RBFOX1: variants seen among roughly 807,000 people sequenced by gnomAD.
RBFOX1 encodes RNA binding fox-1 homolog 1.
Under a neutral mutation model 57.7 loss-of-function variants are expected in RBFOX1, and 8 were observed. The ratio of observed to expected loss-of-function variants is 0.14; its 90% CI spans 0.08 to 0.25. The LOEUF (loss-of-function observed/expected upper bound fraction) is 0.25, where lower values mean the gene tolerates loss of function less well. Among genes scored for constraint, RBFOX1 ranks in the 10% least tolerant of loss-of-function variants. The pLI, the probability that RBFOX1 is intolerant of heterozygous loss-of-function variation, is 1.00. For synonymous variants in RBFOX1, 326 were observed against 222.4 expected (o/e 1.47, Z -4.15); for missense variants, 611 against 548.5 (o/e 1.11, Z -1.14).
chr16:6,155,202 A>G (rs971999940), intron 1 of RBFOX1, among the ~76,000 whole-genome samples: 3 of 152,224 alleles, frequency 2.0e-5, no homozygotes, highest in African/African-American at 7.2e-5. Flanking sequence ...ACTGCTTTGG[A>G]CATTACAATC....
chr16:5,902,513 T>A (rs1259355384), intron 4 of RBFOX1, among the ~76,000 whole-genome samples: 1 of 152,138 alleles, frequency 6.6e-6, no homozygotes, highest in Non-Finnish European at 1.5e-5. Context: ...CCTCCCAGGT[T>A]CGAGTGATTC....
At chr16:7,022,025 CCCCT>C (rs2039394803) in intron 3 of RBFOX1, among the ~76,000 whole-genome samples, 2 of 4,564 alleles carry the variant, frequency 4.4e-4, no homozygotes, top group Admixed American at 2.2e-3. Flanking sequence ...CCTTCCCCCT[CCCCT>C]TCCCCTCCCC....
At chr16:6,879,831 TTA>T (rs2062568358) in intron 3 of RBFOX1, among the ~76,000 whole-genome samples, 1 of 152,220 alleles carries the variant, frequency 6.6e-6, no homozygotes, top group African/African-American at 2.4e-5. Flanking sequence ...GATGTTAAAT[TTA>T]CAAAGAGGTT....
chr16:6,852,857 G>A (rs1296327875), intron 3 of RBFOX1, among the ~76,000 whole-genome samples: 1 of 151,426 alleles, frequency 6.6e-6, no homozygotes, highest in African/African-American at 2.4e-5. Flanking sequence ...GCTGGGAACT[G>A]CTGTCCAGGT....
chr16:7,132,443 C>G (rs1414560310), intron 4 of RBFOX1, among the ~76,000 whole-genome samples: 1 of 18,588 alleles, frequency 5.4e-5, no homozygotes, highest in Non-Finnish European at 1.1e-4. Context: ...GACACACACA[C>G]ACACACACAC....
chr16:6,422,123 AT>A (rs545148350), intron 2 of RBFOX1, among the ~76,000 whole-genome samples: 441 of 151,184 alleles, frequency 2.9e-3, no homozygotes, highest in African/African-American at 1.0e-2. Context: ...GAGTTTTCCC[AT>A]TTTGGCCTGG....
intron 1 of RBFOX1, among the ~76,000 whole-genome samples, chr16:6,078,126 T>G (rs1173005969): frequency 6.6e-6 from 1 of 152,208 alleles, no homozygotes; most frequent in Non-Finnish European, 1.5e-5. Context: ...AGAGTTGCTG[T>G]GTCCTTTCTC....
intron 3 of RBFOX1, among the ~76,000 whole-genome samples, chr16:5,719,912 G>A (rs185788031): frequency 1.7e-3 from 263 of 152,284 alleles, no homozygotes; most frequent in Middle Eastern, 3.4e-3. Context: ...TCTCTCGAAA[G>A]TATATTTAGA....
chr16:6,866,718 A>G (rs1398906011), intron 3 of RBFOX1, among the ~76,000 whole-genome samples: 1 of 151,134 alleles, frequency 6.6e-6, no homozygotes, highest in Non-Finnish European at 1.5e-5. Context: ...ATTTTTTTGT[A>G]TTTTTAGTAG....
intron 1 of RBFOX1, among the ~76,000 whole-genome samples, chr16:5,430,284 G>T (rs905470716): frequency 6.6e-6 from 1 of 152,154 alleles, no homozygotes; most frequent in African/African-American, 2.4e-5. Context: ...GGTCAGGGGA[G>T]GCCTCTCAAA....
At chr16:5,746,310 G>C (rs952983414) in intron 3 of RBFOX1, among the ~76,000 whole-genome samples, 4 of 152,126 alleles carry the variant, frequency 2.6e-5, no homozygotes, top group Admixed American at 1.3e-4. Context: ...CTCTGTTTTT[G>C]TACCAGTACC....
At chr16:6,718,722 C>G (rs9937549) in intron 3 of RBFOX1, among the ~76,000 whole-genome samples, 8,613 of 152,174 alleles carry the variant, frequency 0.057, 293 homozygotes, top group African/African-American at 0.08. Flanking sequence ...AAAGTGTGTA[C>G]CACTCACTGA....
rs549885051 is a variant in RBFOX1 at position 5,625,492 on chromosome 16, A to T, written c.318+26531A>T. On this transcript the variant is annotated intron_variant, in intron 3 of 19. Transcript: ENST00000641259. ...GCTGCACCGTTCTTCATAACCAGTC[A>T]AGTTTTGCGGAGGAGTTTGGATTTA... is the stretch of plus-strand genomic sequence containing the variant. Among the ~76,000 whole-genome samples the T allele has an allele frequency of 1.4e-4, 21 of 151,934 alleles. 1 individual carries two copies. The highest frequency in any genetic ancestry group is 3.1e-4 in the Non-Finnish European group (21 of 67,980).
At chr16:6,045,771 C>T (rs1218237567) in intron 1 of RBFOX1, among the ~76,000 whole-genome samples, 1 of 152,156 alleles carries the variant, frequency 6.6e-6, no homozygotes, top group African/African-American at 2.4e-5. Flanking sequence ...GGTGTGGCTA[C>T]AGAGTTTAAT....
At chr16:6,279,890 A>T (rs546873786) in intron 1 of RBFOX1, among the ~76,000 whole-genome samples, 8 of 151,896 alleles carry the variant, frequency 5.3e-5, no homozygotes, top group Non-Finnish European at 1.0e-4. Context: ...GGTCTAGGTG[A>T]GGATTTTTTT....
At chr16:6,410,501 C>T (rs972371098) in intron 2 of RBFOX1, among the ~76,000 whole-genome samples, 3 of 151,688 alleles carry the variant, frequency 2.0e-5, no homozygotes, top group Non-Finnish European at 4.4e-5. Context: ...TTAGTAGAGA[C>T]GGGGTTTCAC....
chr16:7,595,472 C>T (rs140134851), intron 7 of RBFOX1, 77 bp from the exon 8 acceptor site: 9 of 1,141,330 alleles, frequency 7.9e-6, no homozygotes, highest in Admixed American at 6.7e-5. Context: ...GAAATTAAAG[C>T]GAGAGAACAT....
At chr16:7,702,752 C>T (rs946142932) in intron 14 of RBFOX1, among the ~76,000 whole-genome samples, 4 of 152,166 alleles carry the variant, frequency 2.6e-5, no homozygotes, top group African/African-American at 7.2e-5. Context: ...ATGTATGTTC[C>T]AGATGCAGTT....
At chr16:7,524,704 C>A (rs896922297) in intron 5 of RBFOX1, among the ~76,000 whole-genome samples, 2 of 152,196 alleles carry the variant, frequency 1.3e-5, no homozygotes, top group Non-Finnish European at 2.9e-5. Flanking sequence ...ATTTAGAGAG[C>A]CAGGTTCTTC....
Sources: gnomAD v4.1 joint callset for allele counts (sites outside exome capture counted in the v4.1 genomes callset) on GRCh38, gnomAD v4.1.1 for gene constraint, MANE v1.5 for transcripts, NCBI Gene and HGNC (gene_info 2026-07-23, HGNC 2026-07-21) for gene names.